NEFM: variants seen among roughly 807,000 people sequenced by gnomAD.
The protein encoded by NEFM is neurofilament medium chain, also known as neurofilament medium polypeptide.
NEFM carries 16 observed loss-of-function variants against 48.1 expected under a neutral mutation model. That is an observed-to-expected ratio of 0.33 (90% CI 0.23 to 0.51). The LOEUF is 0.51. NEFM is among the 20% of genes least tolerant of loss of function. The pLI, the probability that NEFM is intolerant of heterozygous loss-of-function variation, is 0.98. For missense variants in NEFM, 1,107 were observed against 1,136.0 expected (o/e 0.97, Z 0.37); for synonymous variants, 465 against 456.9 (o/e 1.02, Z -0.23).
chr8:24,914,046 A>C lies in NEFM; in HGVS notation c.253A>C (p.Asn85His), dbSNP rs1247078008. The change falls in exon 1 of 3, where the codon AAC becomes CAC. Residue 85 changes from asparagine to histidine, a missense_variant. Asn to His is a moderately conservative substitution (Grantham distance 68). Around this residue, in one of 3 missense-constraint regions of NEFM, gnomAD observed 186 missense variants for 200.6 expected, o/e 0.93. Coordinates refer to ENST00000221166, the MANE Select transcript of NEFM (RefSeq NM_005382.2). ...LDFSQSSSLLNGGSGPGGDYK... is the reference protein window; with the variant it reads ...LDFSQSSSLLHGGSGPGGDYK... Reference sequence around the variant, plus strand: ...CTTCAGCCAGTCCTCGTCCCTGCTCAACGGCGGCTCCGGACCCGGCGGCGA... The same window carrying C: ...CTTCAGCCAGTCCTCGTCCCTGCTCCACGGCGGCTCCGGACCCGGCGGCGA... 6.2e-7 allele frequency: 1 copy of C among 1,612,778 alleles called. No individual in the cohort carries two copies. The highest frequency in any genetic ancestry group is 1.1e-5 in the South Asian group (1 of 91,086).
intron 1 of NEFM, 146 bp from the exon 2 acceptor site, chr8:24,915,458 AC>A: frequency 9.1e-7 from 1 of 1,093,290 alleles, no homozygotes; most frequent in Non-Finnish European, 1.3e-6. Context: ...AGGGGGTGGG[AC>A]GGGGGGCTGG....
At position 24,914,285 on chromosome 8, in the gene NEFM, G is replaced by A; in HGVS notation, c.492G>A (p.Val164=). The change falls in exon 1 of 3, where the codon GTG becomes GTA. Residue 164 remains valine, a synonymous_variant. Transcript: ENST00000221166. ...AGCTGCGCGCCACCCTGGAGATGGT[G>A]AACCACGAGAAGGCTCAGGTGCAGC... The part of the protein sequence containing the change: ...IRELRATLEM[V]NHEKAQVQLD... 6.2e-7 allele frequency: 1 copy of A among 1,612,838 alleles called. No individual in the cohort carries two copies.
In NEFM at chr8:24,917,192, T is replaced by G. The variant is rs1802586909; in HGVS notation, c.1337T>G (p.Leu446Arg). 1 of 1,613,740 alleles carries G rather than the reference T, an allele frequency of 6.2e-7. No individual in the cohort carries two copies. The highest frequency in any genetic ancestry group is 8.5e-7 in the Non-Finnish European group (1 of 1,179,992). The change falls in exon 3 of 3, where the codon CTT (leucine) becomes CGT (arginine). Residue 446 changes from leucine (L) to arginine (R), a missense_variant. By Grantham distance (102) the Leu-to-Arg change is moderately radical. This residue lies in a region of NEFM where 917 missense variants were observed against 916.4 expected (regional missense o/e 1.00). Coordinates refer to ENST00000221166, the MANE Select transcript of NEFM (RefSeq NM_005382.2). ...AAACCCAAGGTGGAAGCTCCCAAGC[T>G]TAAGGTCCAACACAAATTTGTCGAG... Reference protein sequence around the residue: ...IQKPKVEAPKLKVQHKFVEEI... With the variant: ...IQKPKVEAPKRKVQHKFVEEI...
rs1802536083 is a variant in NEFM, at chr8:24,914,142, G to A, written c.349G>A (p.Glu117Lys). Reference sequence around the variant, plus strand: ...GAACGACCGCTTTGCCGGCTACATAGAGAAGGTGCACTACCTGGAGCAGCA... The same window carrying A: ...GAACGACCGCTTTGCCGGCTACATAAAGAAGGTGCACTACCTGGAGCAGCA... ...GLNDRFAGYIEKVHYLEQQNK... is the reference protein window; with the variant it reads ...GLNDRFAGYIKKVHYLEQQNK... The change falls in exon 1 of 3, where the codon GAG (glutamate) becomes AAG (lysine). Residue 117 changes from glutamate (E) to lysine (K), a missense_variant. Physicochemically the swap from Glu to Lys is moderately conservative, Grantham distance 56. Coordinates refer to ENST00000221166, the MANE Select transcript of NEFM (RefSeq NM_005382.2). 3 of 1,613,026 alleles carry A rather than the reference G, an allele frequency of 1.9e-6. No individual in the cohort carries two copies. The highest frequency in any genetic ancestry group is 1.7e-6 in the Non-Finnish European group (2 of 1,179,866).
rs1802621852 is a variant in NEFM, at chr8:24,918,725, G to A, written c.*119G>A. 1 of 802,396 alleles carries A rather than the reference G, an allele frequency of 1.2e-6. No individual in the cohort carries two copies. The highest frequency in any genetic ancestry group is 2.2e-6 in the Non-Finnish European group (1 of 460,830). 49.7% of individuals were successfully genotyped at this position (802,396 alleles called of 1,614,324 possible). On this transcript the variant is annotated 3_prime_UTR_variant, in exon 3 of 3. Transcript: ENST00000221166. Reference sequence around the variant, plus strand: ...CTCCAGACATTGTATTTTACTTTGTGCAATATGAGGGGACTGCATGCAAGC... The same window carrying A: ...CTCCAGACATTGTATTTTACTTTGTACAATATGAGGGGACTGCATGCAAGC...
At position 24,918,393 on chromosome 8, in the gene NEFM, TA is replaced by T; in HGVS notation, c.2542del (p.Ser848ValfsTer7). 6.2e-7 allele frequency: 1 copy of T among 1,613,722 alleles called. No homozygotes were observed. The highest frequency in any genetic ancestry group is 2.2e-5 in the East Asian group (1 of 44,846). ...SPADEKKGGD[K>X]SEEKVVVTKT... The stretch of plus-strand genomic sequence containing the variant: ...CAGCAGATGAAAAGAAGGGGGGTGA[TA>T]AAAGTGAGGAGAAAGTGGTGGTGAC... On this transcript the variant is annotated frameshift_variant, in exon 3 of 3. Coordinates refer to ENST00000221166, the MANE Select transcript of NEFM (RefSeq NM_005382.2). LOFTEE classifies it high-confidence loss of function.
Position 24,918,398 on chromosome 8 carries a change from G to A in NEFM, c.2543G>A (p.Ser848Asn), listed in dbSNP as rs1330240000. The change falls in exon 3 of 3, where the codon AGT becomes AAT. Residue 848 changes from serine to asparagine, a missense_variant. Around this residue, in one of 3 missense-constraint regions of NEFM, gnomAD observed 917 missense variants for 916.4 expected, o/e 1.00. Coordinates refer to ENST00000221166, the MANE Select transcript of NEFM (RefSeq NM_005382.2). ...GATGAAAAGAAGGGGGGTGATAAAA[G>A]TGAGGAGAAAGTGGTGGTGACCAAA... is the stretch of plus-strand genomic sequence containing the variant. ...PADEKKGGDK[S>N]EEKVVVTKTV... The A allele has an allele frequency of 5.0e-6, 8 of 1,614,050 alleles. No homozygotes were observed. Among genetic ancestry groups the A allele is most frequent in the Non-Finnish European group, 1.7e-6 (2 of 1,180,022 alleles).
Position 24,917,172 on chromosome 8 carries a change from C to A in NEFM, c.1317C>A (p.Pro439=). Residue 439 remains proline, a synonymous_variant, in exon 3 of 3, where the codon CCC becomes CCA. Transcript: ENST00000221166. ...CAATATCCAGTAAGATTCAGAAACC[C>A]AAGGTGGAAGCTCCCAAGCTTAAGG... The part of the protein sequence containing the change: ...PITISSKIQK[P]KVEAPKLKVQ... 1 of 1,614,078 alleles carries A rather than the reference C, an allele frequency of 6.2e-7. No individual in the cohort carries two copies. Among genetic ancestry groups the A allele is most frequent in the East Asian group, 2.2e-5 (1 of 44,868 alleles).
At position 24,914,396 on chromosome 8, in the gene NEFM, G is replaced by C; in HGVS notation, c.603G>C (p.Ala201=). 6.2e-7 allele frequency: 1 copy of C among 1,613,602 alleles called. No individual in the cohort carries two copies. The highest frequency in any genetic ancestry group is 8.5e-7 in the Non-Finnish European group (1 of 1,179,978). The change falls in exon 1 of 3, where the codon GCG becomes GCC. Residue 201 remains alanine, a synonymous_variant. Coordinates refer to ENST00000221166, the MANE Select transcript of NEFM (RefSeq NM_005382.2). ...CGCGGTTGCGCGACGACACTGAGGC[G>C]GCCATCCGCGCGCTGCGCAAAGACA... ...EEARLRDDTE[A]AIRALRKDIE...
chr8:24,914,836 T>A lies in NEFM; in HGVS notation c.1043T>A (p.Ile348Asn). 1 of 1,598,060 alleles carries A rather than the reference T, an allele frequency of 6.3e-7. No individual in the cohort carries two copies. The highest frequency in any genetic ancestry group is 8.5e-7 in the Non-Finnish European group (1 of 1,173,476). ...KESLERQLSDIEERHNHDLSS... is the reference protein window; with the variant it reads ...KESLERQLSDNEERHNHDLSS... ...TCCCTGGAGCGGCAGCTCAGCGACA[T>A]CGAGGAGCGCCACAACCACGACCTC... Residue 348 changes from isoleucine (I) to asparagine (N), a missense_variant, in exon 1 of 3, where the codon ATC (isoleucine) becomes AAC (asparagine). By Grantham distance (149) the Ile-to-Asn change is moderately radical. This residue lies in a region of NEFM where 917 missense variants were observed against 916.4 expected (regional missense o/e 1.00). Coordinates refer to ENST00000221166, the MANE Select transcript of NEFM (RefSeq NM_005382.2).
rs1320145391 is a variant in NEFM at position 24,917,756 on chromosome 8, C to T, written c.1901C>T (p.Pro634Leu). ...EKGKSPVPKSPVEEKGKSPVP... is the reference protein window; with the variant it reads ...EKGKSPVPKSLVEEKGKSPVP... Reference sequence around the variant, plus strand: ...GGCAAGTCTCCTGTGCCCAAGTCACCAGTGGAAGAGAAAGGCAAGTCTCCT... The same window carrying T: ...GGCAAGTCTCCTGTGCCCAAGTCACTAGTGGAAGAGAAAGGCAAGTCTCCT... The change falls in exon 3 of 3, where the codon CCA becomes CTA. Residue 634 changes from proline to leucine, a missense_variant. By Grantham distance (98) the Pro-to-Leu change is moderately conservative (BLOSUM62 -3). Coordinates refer to ENST00000221166, the MANE Select transcript of NEFM (RefSeq NM_005382.2). The T allele has an allele frequency of 5.6e-6, 9 of 1,613,690 alleles. No homozygotes were observed. The highest frequency in any genetic ancestry group is 1.3e-5 in the African/African-American group (1 of 74,876).
chr8:24,914,549 G>A lies in NEFM; in HGVS notation c.756G>A (p.Ser252=), dbSNP rs1245528619. The change falls in exon 1 of 3, where the codon TCG becomes TCA. Residue 252 remains serine (S), a synonymous_variant. Transcript: ENST00000221166. ...ACCTTCTGGCCCAGATCCAGGCATC[G>A]CACATCACGGTGGAGCGCAAAGACT... ...VADLLAQIQA[S]HITVERKDYL... The A allele has an allele frequency of 1.9e-6, 3 of 1,614,196 alleles. No homozygotes were observed. Among genetic ancestry groups the A allele is most frequent in the Non-Finnish European group, 2.5e-6 (3 of 1,180,048 alleles).
Position 24,913,936 on chromosome 8 carries a change from T to C in NEFM, c.143T>C (p.Val48Ala), listed in dbSNP as rs1247031361. 4 of 1,611,434 alleles carry C rather than the reference T, an allele frequency of 2.5e-6. No individual in the cohort carries two copies. The highest frequency in any genetic ancestry group is 2.7e-5 in the African/African-American group (2 of 75,026). The change falls in exon 1 of 3, where the codon GTG (valine) becomes GCG (alanine). Residue 48 changes from valine (V) to alanine (A), a missense_variant. Transcript: ENST00000221166. ...TGGTCCCGCGGCTCGCCCAGCACCG[T>C]GTCCTCCTCCTATAAGCGCAGCATG... The part of the protein sequence containing the change: ...QSWSRGSPST[V>A]SSSYKRSMLA...
Position 24,917,763 on chromosome 8 carries a change from A to C in NEFM, c.1908A>C (p.Glu636Asp). Residue 636 changes from glutamate to aspartate, a missense_variant, in exon 3 of 3, where the codon GAA (glutamate) becomes GAC (aspartate). Around this residue, in one of 3 missense-constraint regions of NEFM, gnomAD observed 917 missense variants for 916.4 expected, o/e 1.00. Transcript: ENST00000221166. ...CTCCTGTGCCCAAGTCACCAGTGGAAGAGAAAGGCAAGTCTCCTGTGCCCA... is the reference window on the plus strand; with the variant it reads ...CTCCTGTGCCCAAGTCACCAGTGGACGAGAAAGGCAAGTCTCCTGTGCCCA... ...GKSPVPKSPV[E>D]EKGKSPVPKS... The C allele has an allele frequency of 6.2e-7, 1 of 1,613,968 alleles. No individual in the cohort carries two copies.
Position 24,918,636 on chromosome 8 carries a change from A to G in NEFM, c.*30A>G. 2.0e-6 allele frequency: 3 copies of G among 1,512,876 alleles called. No homozygotes were observed. The highest frequency in any genetic ancestry group is 2.7e-6 in the Non-Finnish European group (3 of 1,094,162). The allele number at this position is 1,512,876 out of a possible 1,614,324, so 93.7% of individuals were successfully genotyped here. A position where few individuals can be genotyped will look rare whatever the true frequency, so the allele number is the denominator to read the frequency against. The stretch of plus-strand genomic sequence containing the variant: ...TGAGTCCATTGCAAAAGGTTAAGCC[A>G]TATGACAATTTCAAAATGCATGTGA... On this transcript the variant is annotated 3_prime_UTR_variant, in exon 3 of 3. Coordinates refer to ENST00000221166, the MANE Select transcript of NEFM (RefSeq NM_005382.2).
chr8:24,915,931 ATAC>A (rs937005303), intron 2 of NEFM, among the ~76,000 whole-genome samples: 4 of 152,258 alleles, frequency 2.6e-5, no homozygotes, highest in Admixed American at 6.5e-5. Flanking sequence ...AAAAGAATGA[ATAC>A]TAGTAGAAAC....
In NEFM at chr8:24,914,760, C is replaced by T; in HGVS notation, c.967C>T (p.Gln323Ter). The T allele has an allele frequency of 6.2e-7, 1 of 1,612,296 alleles. No individual in the cohort carries two copies. Among genetic ancestry groups the T allele is most frequent in the Non-Finnish European group, 8.5e-7 (1 of 1,179,372 alleles). The change falls in exon 1 of 3, where the codon CAG (glutamine) becomes TAG (stop). Residue 323 changes from glutamine to a stop codon, truncating the protein, a stop_gained. Transcript: ENST00000221166. LOFTEE classifies it high-confidence loss of function. ...AKEEIAEYRR[Q>*]LQSKSIELES... ...GGAAGAGATCGCCGAGTACCGGCGC[C>T]AGCTGCAGTCCAAGAGCATCGAGCT...
At position 24,917,080 on chromosome 8, in the gene NEFM, G is replaced by T. The variant is rs1400980333; in HGVS notation, c.1225G>T (p.Glu409Ter). The T allele has an allele frequency of 6.2e-7, 1 of 1,614,158 alleles. No homozygotes were observed. The highest frequency in any genetic ancestry group is 1.1e-5 in the South Asian group (1 of 91,078). ...CCTTAGAAAACTCCTGGAGGGTGAA[G>T]AGACTAGATTTAGCACATTTGCAGG... ...AAYRKLLEGEETRFSTFAGSI... is the reference protein window; with the variant it reads ...AAYRKLLEGE Residue 409 changes from glutamate (E) to a stop codon, truncating the protein, a stop_gained, in exon 3 of 3, where the codon GAG (glutamate) becomes TAG (stop). Coordinates refer to ENST00000221166, the MANE Select transcript of NEFM (RefSeq NM_005382.2). LOFTEE classifies it low-confidence loss of function (END_TRUNC).
chr8:24,915,414 G>A, intron 1 of NEFM, 191 bp from the exon 2 acceptor site: 1 of 986,626 alleles, frequency 1.0e-6, no homozygotes, highest in Non-Finnish European at 1.5e-6. Flanking sequence ...GATCTTGTAT[G>A]TTCATTTGAG....
Sources: allele counts gnomAD v4.1 joint callset (sites outside exome capture counted in the v4.1 genomes callset), GRCh38; gene constraint gnomAD v4.1.1; regional missense constraint gnomAD v4.1.1; transcripts MANE v1.5; gene names NCBI Gene and HGNC (gene_info 2026-07-23, HGNC 2026-07-21).